MRPS5: variants seen among roughly 807,000 people sequenced by gnomAD.
The protein encoded by MRPS5 is mitochondrial ribosomal protein S5, also known as small ribosomal subunit protein uS5m.
MRPS5 carries 27 observed loss-of-function variants against 51.9 expected under a neutral mutation model. The observed-to-expected ratio is 0.52, with a 90% CI of 0.38 to 0.72. The LOEUF (loss-of-function observed/expected upper bound fraction) is 0.72, where lower values mean the gene tolerates loss of function less well. Among genes scored for constraint, MRPS5 ranks in the 30% least tolerant of loss-of-function variants. The pLI is 0.00. For synonymous variants in MRPS5, 196 were observed against 193.2 expected (o/e 1.01, Z -0.12); for missense variants, 570 against 545.7 (o/e 1.04, Z -0.44).
chr2:95,090,571 G>GAGGAGTC lies in MRPS5; in HGVS notation c.932-56_932-50dup, dbSNP rs952358718. 4 of 1,610,462 alleles carry GAGGAGTC rather than the reference G, an allele frequency of 2.5e-6. No homozygotes were observed. In the African/African-American group the frequency reaches 5.3e-5, roughly 22 times the overall value. On this transcript the variant is annotated intron_variant, in intron 10 of 11. Transcript: ENST00000272418. ...AACACAGCCCACTCGCCTGCAGCCG[G>GAGGAGTC]AGGAGTCACCCTGCTGGCTTTCGCA...
At chr2:95,102,207 T>G (rs1452273369) in intron 7 of MRPS5, among the ~76,000 whole-genome samples, 1 of 151,752 alleles carries the variant, frequency 6.6e-6, no homozygotes, top group Non-Finnish European at 1.5e-5. Context: ...GAGATCTGTT[T>G]TGAAGCATTC....
chr2:95,103,322 G>C (rs1000854014), intron 7 of MRPS5, among the ~76,000 whole-genome samples: 3 of 152,070 alleles, frequency 2.0e-5, no homozygotes, highest in Non-Finnish European at 2.9e-5. Context: ...TCTCAAAAAG[G>C]AAATAACAAC....
At chr2:95,092,963 G>A (rs1273936255) in intron 10 of MRPS5, 1 of 152,258 alleles carries the variant, frequency 6.6e-6, no homozygotes, top group Non-Finnish European at 1.5e-5. Context: ...AAGGGAAGCT[G>A]TGACAGACTG....
Position 95,104,231 on chromosome 2 carries a change from GTTTT to G in MRPS5, c.763+405_763+408del, listed in dbSNP as rs962076659. 5 of 160,176 alleles carry G rather than the reference GTTTT, an allele frequency of 3.1e-5. No homozygotes were observed. In the South Asian group the frequency reaches 5.7e-4, roughly 18 times the overall value. 9.9% of individuals were successfully genotyped at this position (160,176 alleles called of 1,614,324 possible). A position where few individuals can be genotyped will look rare whatever the true frequency, so the allele number is the denominator to read the frequency against. On this transcript the variant is annotated intron_variant, in intron 7 of 11. Coordinates refer to ENST00000272418, the MANE Select transcript of MRPS5 (RefSeq NM_031902.5). ...ATATGGTCTTATATAACGTTTTTGT[GTTTT>G]TTTTTTTAACTTAGCATTATTTTAA...
intron 6 of MRPS5, 48 bp downstream of exon 6, chr2:95,106,375 C>T (rs1453420776): frequency 7.3e-7 from 1 of 1,377,870 alleles, no homozygotes; most frequent in Non-Finnish European, 1.0e-6. Flanking sequence ...CCCCACCCAC[C>T]CCAACCTCTC....
At chr2:95,108,047 T>G (rs1676001510) in intron 5 of MRPS5, 128 bp downstream of exon 5, 1 of 738,336 alleles carries the variant, frequency 1.4e-6, no homozygotes, top group Non-Finnish European at 2.3e-6. Context: ...GATATGTTAT[T>G]TCAAAGATGT....
intron 10 of MRPS5, 47 bp from the exon 11 acceptor site, chr2:95,090,569 CGGA>C: frequency 6.2e-7 from 1 of 1,610,544 alleles, no homozygotes; most frequent in Non-Finnish European, 8.5e-7. Flanking sequence ...CGCCTGCAGC[CGGA>C]GGAGTCACCC....
chr2:95,095,927 T>C lies in MRPS5; in HGVS notation c.931+4547A>G, dbSNP rs548312010. Among the ~76,000 whole-genome samples, 10 of 152,274 alleles carry C rather than the reference T, an allele frequency of 6.6e-5. No homozygotes were observed. In the South Asian group the frequency reaches 1.7e-3, roughly 25 times the overall value. The stretch of plus-strand genomic sequence containing the variant: ...AATCAATGAATCCAGCAGCTCATTT[T>C]TTGAAAAGATCAACAAAATTGATAG... On this transcript the variant is annotated intron_variant, in intron 10 of 11. Coordinates refer to ENST00000272418, the MANE Select transcript of MRPS5 (RefSeq NM_031902.5).
Position 95,087,299 on chromosome 2 carries a change from G to T in MRPS5, c.*58C>A. ...AAGGTAACATCCCAAGCTGTGAGGG[G>T]CTGAGTCTCTCCTAGGTGCAGGGCA... On this transcript the variant is annotated 3_prime_UTR_variant, in exon 12 of 12. Coordinates refer to ENST00000272418, the MANE Select transcript of MRPS5 (RefSeq NM_031902.5). The T allele has an allele frequency of 7.3e-7, 1 of 1,375,938 alleles. No individual in the cohort carries two copies. Among genetic ancestry groups the T allele is most frequent in the Non-Finnish European group, 1.0e-6 (1 of 975,974 alleles). The allele number at this position is 1,375,938 out of a possible 1,614,324, so 85.2% of individuals were successfully genotyped here. A position where few individuals can be genotyped will look rare whatever the true frequency, so the allele number is the denominator to read the frequency against.
At chr2:95,113,408 G>A (rs1269277729) in intron 3 of MRPS5, among the ~76,000 whole-genome samples, 7 of 152,020 alleles carry the variant, frequency 4.6e-5, no homozygotes. Flanking sequence ...CCCAGGAGGT[G>A]CAGGTTGCAG....
At chr2:95,114,697 T>C (rs74657682) in intron 3 of MRPS5, among the ~76,000 whole-genome samples, 3,602 of 152,314 alleles carry the variant, frequency 0.024, 135 homozygotes, top group African/African-American at 0.083. Context: ...CTAGTGTTAG[T>C]GAACAATATC....
In MRPS5 at chr2:95,114,920, T is replaced by C. The variant is rs1484194614; in HGVS notation, c.277+146A>G. ...GGTAGCATGTGAGATAATTCTAGGA[T>C]GTACATCAAGGAACATTTTCATTTT... On this transcript the variant is annotated intron_variant, in intron 3 of 11. Coordinates refer to ENST00000272418, the MANE Select transcript of MRPS5 (RefSeq NM_031902.5). The C allele has an allele frequency of 3.3e-5, 24 of 737,180 alleles. No homozygotes were observed. The East Asian group carries it at 7.6e-4, about 23-fold the overall frequency. The allele number at this position is 737,180 out of a possible 1,614,324, so 45.7% of individuals were successfully genotyped here.
In MRPS5 at chr2:95,100,546, A is replaced by G. The variant is rs372309833; in HGVS notation, c.869-10T>C. 9 of 1,589,086 alleles carry G rather than the reference A, an allele frequency of 5.7e-6. No individual in the cohort carries two copies. Among genetic ancestry groups the G allele is most frequent in the Non-Finnish European group, 7.8e-6 (9 of 1,158,104 alleles). On this transcript the variant is annotated splice_polypyrimidine_tract_variant and intron_variant, in intron 9 of 11. Coordinates refer to ENST00000272418, the MANE Select transcript of MRPS5 (RefSeq NM_031902.5). ...GAAATATCATGGAATACTGGAGGGT[A>G]AAAACATAAACACAAGAGGATTAGG...
intron 1 of MRPS5, among the ~76,000 whole-genome samples, chr2:95,121,513 G>C (rs1020131705): frequency 6.6e-6 from 1 of 152,202 alleles, no homozygotes; most frequent in South Asian, 2.1e-4. Context: ...GAAGAACGAC[G>C]TCCAGTTCCC....
At chr2:95,087,640 C>A (rs1294168568) in intron 11 of MRPS5, 59 bp from the exon 12 acceptor site, 2 of 1,446,326 alleles carry the variant, frequency 1.4e-6, no homozygotes, top group Non-Finnish European at 1.9e-6. Context: ...ACATAAAGAG[C>A]AGGAACTTCC....
chr2:95,093,061 C>G (rs1287802483), intron 10 of MRPS5: 2 of 152,298 alleles, frequency 1.3e-5, no homozygotes. Flanking sequence ...ATATCCCAGG[C>G]ATGGCTCAGC....
intron 4 of MRPS5, among the ~76,000 whole-genome samples, chr2:95,109,047 C>T (rs1224436044): frequency 6.6e-6 from 1 of 151,748 alleles, no homozygotes; most frequent in African/African-American, 2.4e-5. Flanking sequence ...GAAGGAAACA[C>T]ACCAATATGA....
At position 95,087,103 on chromosome 2, in the gene MRPS5, A is replaced by G. The variant is rs531744620; in HGVS notation, c.*254T>C. On this transcript the variant is annotated 3_prime_UTR_variant, in exon 12 of 12. Coordinates refer to ENST00000272418, the MANE Select transcript of MRPS5 (RefSeq NM_031902.5). ...TCAAATTATTAACCCCGTCTCCCTAATTCATTTACTTTTGTTACTTTGGAT... is the reference window on the plus strand; with the variant it reads ...TCAAATTATTAACCCCGTCTCCCTAGTTCATTTACTTTTGTTACTTTGGAT... The G allele has an allele frequency of 4.1e-4, 167 of 409,270 alleles. 2 individuals are homozygous for G. The South Asian group carries it at 9.0e-3, about 22-fold the overall frequency. The allele number at this position is 409,270 out of a possible 1,614,324, so 25.4% of individuals were successfully genotyped here. A position where few individuals can be genotyped will look rare whatever the true frequency, so the allele number is the denominator to read the frequency against.
chr2:95,106,570 T>A (rs1347579610), intron 5 of MRPS5, 113 bp from the exon 6 acceptor site: 3 of 892,562 alleles, frequency 3.4e-6, no homozygotes, highest in African/African-American at 1.6e-5. Context: ...GAATCTCAGA[T>A]CTTTTGGTCC....
Sources: allele counts gnomAD v4.1 joint callset (sites outside exome capture counted in the v4.1 genomes callset), GRCh38; gene constraint gnomAD v4.1.1; transcripts MANE v1.5; gene names NCBI Gene and HGNC (gene_info 2026-07-23, HGNC 2026-07-21).